Variants in CACNA1C observed in about 807,000 individuals in gnomAD.
The protein encoded by CACNA1C is voltage-dependent L-type calcium channel subunit alpha-1C.
A neutral mutation model predicts 229.0 loss-of-function variants in CACNA1C; 30 were observed. That is an observed-to-expected ratio of 0.13 (90% CI 0.10 to 0.18). CACNA1C has a LOEUF of 0.18. Ranked by LOEUF, CACNA1C falls within the 10% of genes least tolerant of loss-of-function variation. The pLI is 1.00. For missense variants in CACNA1C, 1,658 were observed against 2,845.0 expected (o/e 0.58, Z 9.49); for synonymous variants, 1,114 against 1,132.5 (o/e 0.98, Z 0.33).
chr12:2,508,067 G>A (rs2099775717), intron 8 of CACNA1C, among the ~76,000 whole-genome samples: 1 of 152,254 alleles, frequency 6.6e-6, no homozygotes, highest in African/African-American at 2.4e-5. Context: ...CTGCAGCAGG[G>A]CTGGGCTGCT....
At chr12:2,004,257 A>G in intron 1 of CACNA1C, 1 of 1,612,114 alleles carries the variant, frequency 6.2e-7, no homozygotes, top group Non-Finnish European at 8.5e-7. Flanking sequence ...CCTGGGCTGC[A>G]CTGCTCCGCC....
intron 5 of CACNA1C, among the ~76,000 whole-genome samples, chr12:2,459,355 C>T (rs1045663921): frequency 2.6e-5 from 4 of 152,052 alleles, no homozygotes; most frequent in Admixed American, 2.0e-4. Context: ...GTCTCTTAAA[C>T]TACACTATAA....
chr12:2,602,377 C>G lies in CACNA1C; in HGVS notation c.2960+417C>G, dbSNP rs1242300717. On this transcript the variant is annotated intron_variant, in intron 22 of 46. Transcript: ENST00000399655. This position sits in a 1 kb window ranked among gnomAD's most constrained non-coding sequence, Gnocchi z 4.4. ...CTCCCCTCTCTCTCCAGCCAAAGCACCTCATGTATGAGTGTATGTGTGAAT... is the reference window on the plus strand; with the variant it reads ...CTCCCCTCTCTCTCCAGCCAAAGCAGCTCATGTATGAGTGTATGTGTGAAT... Among the ~76,000 whole-genome samples, 2 of 152,036 alleles carry G rather than the reference C, an allele frequency of 1.3e-5. No individual in the cohort carries two copies. Among genetic ancestry groups the G allele is most frequent in the Non-Finnish European group, 2.9e-5 (2 of 68,026 alleles).
At position 2,446,563 on chromosome 12, in the gene CACNA1C, A is replaced by C. The variant is rs2099287694; in HGVS notation, c.478-2413A>C. Among the ~76,000 whole-genome samples, 4 of 141,188 alleles carry C rather than the reference A, an allele frequency of 2.8e-5. No individual in the cohort carries two copies. In the South Asian group the frequency reaches 1.0e-3, roughly 35 times the overall value. The allele number at this position is 141,188 out of a possible 152,430, so 92.6% of individuals were successfully genotyped here. On this transcript the variant is annotated intron_variant, in intron 3 of 46. Transcript: ENST00000399655. Reference sequence around the variant, plus strand: ...AGATGAATGGATGAGTGGGTGGTGCATAGGTGGGTGAATGGATGGATGGAT... The same window carrying C: ...AGATGAATGGATGAGTGGGTGGTGCCTAGGTGGGTGAATGGATGGATGGAT...
intron 29 of CACNA1C, among the ~76,000 whole-genome samples, chr12:2,629,544 CTG>C (rs2089316610): frequency 6.6e-6 from 1 of 152,174 alleles, no homozygotes; most frequent in African/African-American, 2.4e-5. Context: ...CACCTCAACT[CTG>C]TGCTTTATCC....
At chr12:2,241,403 C>T (rs1249333949) in intron 3 of CACNA1C, among the ~76,000 whole-genome samples, 1 of 152,026 alleles carries the variant, frequency 6.6e-6, no homozygotes, top group Non-Finnish European at 1.5e-5. Flanking sequence ...TTTATCATGC[C>T]ATGTTTTTTA....
At chr12:2,688,819 GC>G in intron 46 of CACNA1C, 40 bp downstream of exon 46, 1 of 1,411,668 alleles carries the variant, frequency 7.1e-7, no homozygotes. Flanking sequence ...GAGGCCACGG[GC>G]AACAAGGGGA....
intron 8 of CACNA1C, among the ~76,000 whole-genome samples, chr12:2,507,539 C>A (rs145363957): frequency 6.6e-6 from 1 of 152,346 alleles, no homozygotes; most frequent in East Asian, 1.9e-4. Context: ...CCCACTTATT[C>A]ATCAGACTTC....
intron 3 of CACNA1C, among the ~76,000 whole-genome samples, chr12:2,135,410 GT>G (rs1243708965): frequency 2.1e-5 from 3 of 143,422 alleles, no homozygotes; most frequent in Admixed American, 2.1e-4. Context: ...CAGTTTTTCT[GT>G]TCTGTTTTTT....
At chr12:2,586,228 T>A (rs1045008791) in intron 18 of CACNA1C, among the ~76,000 whole-genome samples, 3 of 152,226 alleles carry the variant, frequency 2.0e-5, no homozygotes, top group African/African-American at 7.2e-5. Flanking sequence ...TGTATTAGTA[T>A]GGCATATGTT....
chr12:2,252,664 T>C (rs2076007732), intron 3 of CACNA1C, among the ~76,000 whole-genome samples: 1 of 152,220 alleles, frequency 6.6e-6, no homozygotes, highest in African/African-American at 2.4e-5. Flanking sequence ...ATTCAGGTTC[T>C]ATGTAGAGCA....
intron 3 of CACNA1C, among the ~76,000 whole-genome samples, chr12:2,343,334 A>G (rs1224289420): frequency 6.6e-6 from 1 of 152,192 alleles, no homozygotes; most frequent in East Asian, 1.9e-4. Flanking sequence ...GCTGTTCACA[A>G]CCTTTTTCTT....
intron 29 of CACNA1C, among the ~76,000 whole-genome samples, chr12:2,622,593 A>T (rs1472307679): frequency 2.0e-5 from 3 of 152,166 alleles, no homozygotes; most frequent in African/African-American, 7.2e-5. Flanking sequence ...TGCAGTCCTC[A>T]TGATTCCATA....
At chr12:2,446,926 C>T (rs2099300259) in intron 3 of CACNA1C, among the ~76,000 whole-genome samples, 1 of 152,060 alleles carries the variant, frequency 6.6e-6, no homozygotes, top group Non-Finnish European at 1.5e-5. Flanking sequence ...GCAACTAGCA[C>T]ATATGAAAGC....
chr12:2,052,003 G>A (rs895736115), upstream of CACNA1C, among the ~76,000 whole-genome samples: 12 of 152,204 alleles, frequency 7.9e-5, no homozygotes, highest in African/African-American at 2.7e-4. Context: ...CCAAGAGGGA[G>A]TTGTAGGCCC....
intron 3 of CACNA1C, among the ~76,000 whole-genome samples, chr12:2,150,920 C>T (rs559720448): frequency 1.1e-4 from 17 of 152,264 alleles, no homozygotes; most frequent in South Asian, 2.1e-4. Flanking sequence ...TGGTGGTCAA[C>T]GCCACTTCTG....
rs780456645 is a variant in CACNA1C, at chr12:2,321,430, T to C, written c.478-127546T>C. Among the ~76,000 whole-genome samples, 58 of 152,126 alleles carry C rather than the reference T, an allele frequency of 3.8e-4. 1 individual carries two copies. The highest frequency in any genetic ancestry group is 1.2e-4 in the Non-Finnish European group (8 of 68,022). ...TCGTAGGGCTGATGGGATGATTGAATGCAATACTGCTTAGCCTTGTGTTTA... is the reference window on the plus strand; with the variant it reads ...TCGTAGGGCTGATGGGATGATTGAACGCAATACTGCTTAGCCTTGTGTTTA... On this transcript the variant is annotated intron_variant, in intron 3 of 46. Transcript: ENST00000399655.
chr12:2,002,705 T>C lies in CACNA1C; in HGVS notation c.139+31504T>C, dbSNP rs568618581. Among the ~76,000 whole-genome samples the C allele has an allele frequency of 4.6e-5, 7 of 152,356 alleles. No homozygotes were observed. The South Asian group carries it at 6.2e-4, about 14-fold the overall frequency. ...CCAGTGTCAAGTCAACTTACAGAAC[T>C]ATACATCCCTGGTCCTCATCTCTCT... is the stretch of plus-strand genomic sequence containing the variant. On this transcript the variant is annotated intron_variant, in intron 1 of 46. Transcript: ENST00000682462.
At chr12:2,437,353 T>C (rs7960297) in intron 3 of CACNA1C, among the ~76,000 whole-genome samples, 138,846 of 152,240 alleles carry the variant, frequency 0.91, 63,414 homozygotes, top group African/African-American at 0.95. Context: ...ATTCTGACAA[T>C]TGTGCCAGGT....
Sources: gnomAD v4.1 joint callset for allele counts (sites outside exome capture counted in the v4.1 genomes callset) on GRCh38, gnomAD v4.1.1 for gene constraint, Gnocchi (gnomAD v3.1) non-coding constraint, MANE v1.5 for transcripts, NCBI Gene and HGNC (gene_info 2026-07-23, HGNC 2026-07-21) for gene names.